The following EIF4G3 variants were observed in gnomAD, a reference collection of about 807,000 sequenced individuals.
EIF4G3 encodes eIF-4-gamma 3.
Under a neutral mutation model 186.4 loss-of-function variants are expected in EIF4G3, and 34 were observed. The observed-to-expected ratio is 0.18, with a 90% CI of 0.14 to 0.24. The LOEUF (loss-of-function observed/expected upper bound fraction) is 0.24, where lower values mean the gene tolerates loss of function less well. Ranked by LOEUF, EIF4G3 falls within the 10% of genes least tolerant of loss-of-function variation. The pLI, the probability that EIF4G3 is intolerant of heterozygous loss-of-function variation, is 1.00. For missense variants in EIF4G3, 1,536 were observed against 1,948.5 expected, an observed-to-expected ratio of 0.79 and a Z score of 3.99; for synonymous variants, 673 against 679.5, an observed-to-expected ratio of 0.99 and a Z score of 0.15.
chr1:20,997,895 G>C (rs1249259453), intron 6 of EIF4G3, among the ~76,000 whole-genome samples: 3 of 149,100 alleles, frequency 2.0e-5, no homozygotes. Flanking sequence ...AGGCATGTAA[G>C]GTACTCTCTG....
chr1:20,845,023 T>C (rs532078622), intron 29 of EIF4G3, among the ~76,000 whole-genome samples: 1 of 152,330 alleles, frequency 6.6e-6, no homozygotes, highest in East Asian at 1.9e-4. Flanking sequence ...GTTTTTGGCA[T>C]CTTCATCATG....
intron 2 of EIF4G3, among the ~76,000 whole-genome samples, chr1:21,105,238 C>T (rs2096594434): frequency 6.6e-6 from 1 of 152,158 alleles, no homozygotes. Context: ...GCCTGGCCAA[C>T]GTGGTGAAAC....
chr1:21,015,330 G>A (rs1347568244), intron 4 of EIF4G3, among the ~76,000 whole-genome samples: 1 of 151,748 alleles, frequency 6.6e-6, no homozygotes, highest in African/African-American at 2.4e-5. Context: ...GAAGAGAGAG[G>A]AAAAGGAACA....
chr1:21,024,583 G>A (rs1464573096), intron 4 of EIF4G3, among the ~76,000 whole-genome samples: 1 of 149,714 alleles, frequency 6.7e-6, no homozygotes, highest in Non-Finnish European at 1.5e-5. Flanking sequence ...GTTGATCTGT[G>A]ACCTTACCCC....
intron 8 of EIF4G3, among the ~76,000 whole-genome samples, chr1:20,981,762 A>ATACATGTATACG (rs2078322365): frequency 8.4e-6 from 1 of 118,840 alleles, no homozygotes; most frequent in Non-Finnish European, 1.8e-5. Flanking sequence ...ATATGTATAC[A>ATACATGTATACG]CACATACTGT....
rs151211327 is a variant in EIF4G3 at position 20,884,348 on chromosome 1, G to T, written c.2424+1853C>A. Among the ~76,000 whole-genome samples, 46 of 152,126 alleles carry T rather than the reference G, an allele frequency of 3.0e-4. No homozygotes were observed. The East Asian group carries it at 8.1e-3, about 27-fold the overall frequency. On this transcript the variant is annotated intron_variant, in intron 19 of 36. Coordinates refer to ENST00000602326, the MANE Select transcript of EIF4G3 (RefSeq NM_001391906.1). ...TGGACTATTTAGTATCTTTCATGAC[G>T]CTTGACAACTTTTGAAGCTTCAGTT...
chr1:20,952,884 C>CAA, intron 12 of EIF4G3, among the ~76,000 whole-genome samples: 1 of 152,012 alleles, frequency 6.6e-6, no homozygotes, highest in South Asian at 2.1e-4. Flanking sequence ...AACAAACAAA[C>CAA]AGTCTATAAC....
At chr1:21,014,634 C>G (rs1210577305) in intron 4 of EIF4G3, among the ~76,000 whole-genome samples, 1 of 76,006 alleles carries the variant, frequency 1.3e-5, no homozygotes, top group Non-Finnish European at 2.9e-5. Context: ...CAGACAAACA[C>G]CTTTTTTTTT....
intron 3 of EIF4G3, among the ~76,000 whole-genome samples, chr1:21,061,888 C>A (rs1265604761): frequency 6.6e-6 from 1 of 151,864 alleles, no homozygotes; most frequent in Non-Finnish European, 1.5e-5. Flanking sequence ...GCTGGGACTA[C>A]AGGCACATGC....
Position 20,807,391 on chromosome 1 carries a change from G to A in EIF4G3, c.4854C>T (p.Gly1618=), listed in dbSNP as rs1449100262. The change falls in exon 37 of 37, where the codon GGC becomes GGT. Residue 1618 remains glycine (G), a synonymous_variant. Coordinates refer to ENST00000602326, the MANE Select transcript of EIF4G3 (RefSeq NM_001391906.1). ...SKDPAEQNGK[G]VALKSVTAFF... Reference sequence around the variant, plus strand: ...ATGCCGTGACAGATTTCAGAGCCACGCCCTTCCCATTCTGCTCTGCAGGGT... The same window carrying A: ...ATGCCGTGACAGATTTCAGAGCCACACCCTTCCCATTCTGCTCTGCAGGGT... 5 of 1,611,860 alleles carry A rather than the reference G, an allele frequency of 3.1e-6. No homozygotes were observed. The highest frequency in any genetic ancestry group is 1.1e-5 in the South Asian group (1 of 90,784).
At chr1:20,972,043 C>T (rs2076002213) in intron 11 of EIF4G3, among the ~76,000 whole-genome samples, 2 of 152,266 alleles carry the variant, frequency 1.3e-5, no homozygotes, top group South Asian at 4.1e-4. Flanking sequence ...AAAAAGATCA[C>T]CCATTTTGTC....
chr1:21,004,354 T>TA (rs1159187444), intron 4 of EIF4G3, among the ~76,000 whole-genome samples: 1 of 152,174 alleles, frequency 6.6e-6, no homozygotes, highest in East Asian at 1.9e-4. Flanking sequence ...TAGACTAATA[T>TA]ACTGTGTGCT....
At chr1:20,958,475 T>C (rs1229283244) in intron 12 of EIF4G3, among the ~76,000 whole-genome samples, 1 of 152,154 alleles carries the variant, frequency 6.6e-6, no homozygotes, top group African/African-American at 2.4e-5. Context: ...GCATTCTCCC[T>C]GACAACAGGA....
At chr1:20,950,242 A>G (rs943145956) in intron 12 of EIF4G3, 131 bp from the exon 13 acceptor site, 2 of 537,974 alleles carry the variant, frequency 3.7e-6, no homozygotes, top group African/African-American at 4.0e-5. Flanking sequence ...AAGCAAGGAA[A>G]AAATATATAG....
At chr1:21,144,271 GAC>G (rs1217342345) in intron 2 of EIF4G3, among the ~76,000 whole-genome samples, 1 of 152,102 alleles carries the variant, frequency 6.6e-6, no homozygotes, top group Non-Finnish European at 1.5e-5. Context: ...TTATTTTGGA[GAC>G]AGAGTCTCAC....
chr1:20,948,139 C>T lies in EIF4G3; in HGVS notation c.823+1864G>A, dbSNP rs180982974. Among the ~76,000 whole-genome samples the T allele has an allele frequency of 3.9e-3, 589 of 152,224 alleles. 5 individuals are homozygous for T. The highest frequency in any genetic ancestry group is 0.014 in the African/African-American group (566 of 41,534). ...TTCAATATGCTTAGCATAATTCTAA[C>T]CAGCAAAAAGATTACACATTTGCGA... On this transcript the variant is annotated intron_variant, in intron 13 of 36. Coordinates refer to ENST00000602326, the MANE Select transcript of EIF4G3 (RefSeq NM_001391906.1).
rs1188782632 is a variant in EIF4G3 at position 20,815,875 on chromosome 1, A to AG, written c.4515+1516dup. On this transcript the variant is annotated intron_variant, in intron 34 of 36. Coordinates refer to ENST00000602326, the MANE Select transcript of EIF4G3 (RefSeq NM_001391906.1). Reference sequence around the variant, plus strand: ...CCAGCCGCCCCGTCCGGGAGGGGGGAGGGGGGGTCAGCCCCCTGCCCGGCC... The same window carrying AG: ...CCAGCCGCCCCGTCCGGGAGGGGGGAGGGGGGGGTCAGCCCCCTGCCCGGCC... 4.5e-4 allele frequency among the ~76,000 whole-genome samples: 18 copies of AG among 39,908 alleles called. No homozygotes were observed. The East Asian group carries it at 8.1e-3, about 18-fold the overall frequency. The allele number at this position is 39,908 out of a possible 152,430, so 26.2% of individuals were successfully genotyped here.
rs1243854341 is a variant in EIF4G3, at chr1:20,825,148, C to T, written c.4320G>A (p.Lys1440=). Reference sequence around the variant, plus strand: ...CATCTTCTCCTTCTGGTAAAAAGTCCTTCCAGCTGAGGTCAGCCTCCCTCC... The same window carrying T: ...CATCTTCTCCTTCTGGTAAAAAGTCTTTCCAGCTGAGGTCAGCCTCCCTCC... The part of the protein sequence containing the change: ...ALWREADLSW[K]DFLPEGEDVH... Residue 1440 remains lysine (K), a synonymous_variant, in exon 33 of 37, where the codon AAG becomes AAA. Transcript: ENST00000602326. 1 of 1,612,976 alleles carries T rather than the reference C, an allele frequency of 6.2e-7. No individual in the cohort carries two copies. Among genetic ancestry groups the T allele is most frequent in the Admixed American group, 1.7e-5 (1 of 59,900 alleles).
intron 3 of EIF4G3, among the ~76,000 whole-genome samples, chr1:21,052,115 C>T (rs563188875): frequency 5.9e-5 from 9 of 152,188 alleles, no homozygotes; most frequent in African/African-American, 2.2e-4. Context: ...ATTTATACAA[C>T]TGAAAAATAA....
Sources: gnomAD v4.1 joint callset for allele counts (sites outside exome capture counted in the v4.1 genomes callset) on GRCh38, gnomAD v4.1.1 for gene constraint, MANE v1.5 for transcripts, NCBI Gene and HGNC (gene_info 2026-07-23, HGNC 2026-07-21) for gene names.